BMPR2: variants seen among roughly 807,000 people sequenced by gnomAD.
BMPR2 encodes bone morphogenetic protein receptor type-2.
A neutral mutation model predicts 100.8 loss-of-function variants in BMPR2; 29 were observed. The ratio of observed to expected loss-of-function variants is 0.29; its 90% CI spans 0.21 to 0.39. The LOEUF is 0.39. BMPR2 is among the 10% of genes least tolerant of loss of function. The pLI is 1.00. For missense variants in BMPR2, 1,011 were observed against 1,274.5 expected (o/e 0.79, Z 3.15); for synonymous variants, 382 against 442.3 (o/e 0.86, Z 1.71).
chr2:202,421,020 C>T lies in BMPR2; in HGVS notation c.76+43470C>T, dbSNP rs373721799. Among the ~76,000 whole-genome samples, 85 of 150,736 alleles carry T rather than the reference C, an allele frequency of 5.6e-4. No homozygotes were observed. The East Asian group carries it at 8.7e-3, about 15-fold the overall frequency. On this transcript the variant is annotated intron_variant, in intron 1 of 12. Transcript: ENST00000374580. ...ATCCCAGCACTTTGGGAGGCCGAGGCGGGTGGATCACTTGAGGTCAGGAGT... is the reference window on the plus strand; with the variant it reads ...ATCCCAGCACTTTGGGAGGCCGAGGTGGGTGGATCACTTGAGGTCAGGAGT...
Position 202,498,699 on chromosome 2 carries a change from A to G in BMPR2, c.419-15020A>G, listed in dbSNP as rs1693096790. Among the ~76,000 whole-genome samples the G allele has an allele frequency of 2.0e-5, 3 of 152,092 alleles. No individual in the cohort carries two copies. The South Asian group carries it at 6.2e-4, about 32-fold the overall frequency. ...ATCCTAAGCCATTGGGACCAATTTG[A>G]CCCACAAACCCTGAAAAAGAGGCGG... On this transcript the variant is annotated intron_variant, in intron 3 of 12. Transcript: ENST00000374580.
At chr2:202,453,095 A>C (rs1356916661) in intron 1 of BMPR2, among the ~76,000 whole-genome samples, 1 of 152,176 alleles carries the variant, frequency 6.6e-6, no homozygotes, top group Non-Finnish European at 1.5e-5. Flanking sequence ...CAACATCTTA[A>C]GGATTTTGGA....
At chr2:202,518,752 C>G in intron 5 of BMPR2, 70 bp from the exon 6 acceptor site, 1 of 1,226,038 alleles carries the variant, frequency 8.2e-7, no homozygotes, top group Non-Finnish European at 1.2e-6. Flanking sequence ...TAAATTTGTA[C>G]TTTATTATTT....
At chr2:202,401,706 T>A (rs1003534359) in intron 1 of BMPR2, among the ~76,000 whole-genome samples, 2 of 152,216 alleles carry the variant, frequency 1.3e-5, no homozygotes, top group African/African-American at 4.8e-5. Context: ...ATATTAATCT[T>A]TAACAAATAT....
intron 9 of BMPR2, among the ~76,000 whole-genome samples, chr2:202,533,487 G>A (rs1256060913): frequency 3.3e-5 from 5 of 151,280 alleles, no homozygotes; most frequent in Non-Finnish European, 5.9e-5. Context: ...AGATCTTGCC[G>A]TTGCACCCCA....
chr2:202,423,190 A>T (rs1167639778), intron 1 of BMPR2, among the ~76,000 whole-genome samples: 1 of 152,140 alleles, frequency 6.6e-6, no homozygotes, highest in Non-Finnish European at 1.5e-5. Context: ...TGCCCAGCTG[A>T]CAGGTGAAAT....
At chr2:202,550,933 G>A (rs903859252) in intron 10 of BMPR2, among the ~76,000 whole-genome samples, 1 of 132,698 alleles carries the variant, frequency 7.5e-6, no homozygotes, top group Non-Finnish European at 1.6e-5. Context: ...AACATTTCTT[G>A]TAGAGCATAT....
At chr2:202,448,426 G>A (rs950642745) in intron 1 of BMPR2, among the ~76,000 whole-genome samples, 2 of 145,922 alleles carry the variant, frequency 1.4e-5, no homozygotes, top group Non-Finnish European at 3.0e-5. Flanking sequence ...CAGCCTGGGC[G>A]ACAGAAGGAG....
At position 202,385,254 on chromosome 2, in the gene BMPR2, CT is replaced by C. The variant is rs554276953; in HGVS notation, c.76+7714del. 3.8e-3 allele frequency among the ~76,000 whole-genome samples: 520 copies of C among 136,310 alleles called. 1 individual carries two copies. Among genetic ancestry groups the C allele is most frequent in the Non-Finnish European group, 5.0e-3 (317 of 63,718 alleles). The allele number at this position is 136,310 out of a possible 152,430, so 89.4% of individuals were successfully genotyped here. A position where few individuals can be genotyped will look rare whatever the true frequency, so the allele number is the denominator to read the frequency against. On this transcript the variant is annotated intron_variant, in intron 1 of 12. Coordinates refer to ENST00000374580, the MANE Select transcript of BMPR2 (RefSeq NM_001204.7). ...CACCAGGCTAACCTTTTAGGGCAAG[CT>C]TTTTTTTTTGTTTTCATTTGAAAAA... is the stretch of plus-strand genomic sequence containing the variant.
chr2:202,427,358 CAAA>C (rs397872093), intron 1 of BMPR2, among the ~76,000 whole-genome samples: 15 of 78,840 alleles, frequency 1.9e-4, no homozygotes, highest in Non-Finnish European at 1.9e-4. Context: ...GACCCTGGCT[CAAA>C]AAAAAAAAAA....
intron 1 of BMPR2, among the ~76,000 whole-genome samples, chr2:202,419,880 G>A (rs1451494711): frequency 6.6e-6 from 1 of 152,132 alleles, no homozygotes; most frequent in Non-Finnish European, 1.5e-5. Context: ...CAGACACAGC[G>A]ATTCATGCCT....
chr2:202,537,928 G>A (rs1688193604), intron 9 of BMPR2, among the ~76,000 whole-genome samples: 1 of 152,078 alleles, frequency 6.6e-6, no homozygotes, highest in Non-Finnish European at 1.5e-5. Flanking sequence ...TTCGAGACCA[G>A]CCTGGCCAGC....
chr2:202,538,002 A>T (rs752437114), intron 9 of BMPR2, among the ~76,000 whole-genome samples: 5 of 152,086 alleles, frequency 3.3e-5, no homozygotes, highest in African/African-American at 4.8e-5. Context: ...CACGCCTGTA[A>T]TCCCAGCTAC....
rs1288836115 is a variant in BMPR2, at chr2:202,563,080, TC to T, written c.*3135del. The stretch of plus-strand genomic sequence containing the variant: ...ATGTCTGCCTCTCTCCACATCTCTT[TC>T]ATCCATACCACACTGCCTACATGCC... On this transcript the variant is annotated 3_prime_UTR_variant, in exon 13 of 13. Coordinates refer to ENST00000374580, the MANE Select transcript of BMPR2 (RefSeq NM_001204.7). 6.6e-6 allele frequency: 1 copy of T among 152,152 alleles called. No individual in the cohort carries two copies. The allele number at this position is 152,152 out of a possible 1,614,324, so 9.4% of individuals were successfully genotyped here.
rs1690171177 is a variant in BMPR2 at position 202,377,332 on chromosome 2, T to C, written c.-143T>C. 2.5e-6 allele frequency: 2 copies of C among 807,192 alleles called. No homozygotes were observed. The highest frequency in any genetic ancestry group is 2.8e-5 in the South Asian group (2 of 72,644). 50.0% of individuals were successfully genotyped at this position (807,192 alleles called of 1,614,324 possible). On this transcript the variant is annotated 5_prime_UTR_variant, in exon 1 of 13. Transcript: ENST00000374580. ...AAAGCTCTGCAGCTAGGTCCTCTCA[T>C]CAGCCATTTGTCCTTTCAAACTGTA...
At chr2:202,542,525 G>A in intron 10 of BMPR2, 78 bp downstream of exon 10, 2 of 1,490,980 alleles carry the variant, frequency 1.3e-6, no homozygotes, top group Non-Finnish European at 1.8e-6. Context: ...AAAATAGACT[G>A]TTAATAACGT....
Position 202,532,596 on chromosome 2 carries a change from C to G in BMPR2, c.1140C>G (p.Ile380Met). The change falls in exon 9 of 13, where the codon ATC becomes ATG. Residue 380 changes from isoleucine to methionine, a missense_variant. Ile to Met is a conservative substitution (Grantham distance 10). Coordinates refer to ENST00000374580, the MANE Select transcript of BMPR2 (RefSeq NM_001204.7). The surrounding 1 kb of genome is among the most constrained non-coding windows in gnomAD (Gnocchi z 4.1). The part of the protein sequence containing the change: ...DNAAISEVGT[I>M]RYMAPEVLEG... ...CTCTAATTTATCAGGTTGGCACTATCAGATATATGGCACCAGAAGTGCTAG... is the reference window on the plus strand; with the variant it reads ...CTCTAATTTATCAGGTTGGCACTATGAGATATATGGCACCAGAAGTGCTAG... The G allele has an allele frequency of 3.7e-6, 6 of 1,613,964 alleles. No individual in the cohort carries two copies. The highest frequency in any genetic ancestry group is 5.1e-6 in the Non-Finnish European group (6 of 1,179,938).
intron 3 of BMPR2, among the ~76,000 whole-genome samples, chr2:202,499,242 T>C (rs568917658): frequency 8.1e-4 from 123 of 152,336 alleles, no homozygotes; most frequent in South Asian, 1.2e-3. Context: ...GGGCAAACCT[T>C]TGACCTCCCT....
In BMPR2 at chr2:202,559,867, C is replaced by G. The variant is rs1222615864; in HGVS notation, c.3038C>G (p.Ser1013Cys). ...AGTAACAGGGCAGTTCATTCCAAAT[C>G]CAGCACTGCTGTTTACCTTGCAGAA... is the stretch of plus-strand genomic sequence containing the variant. ...NGSNRAVHSK[S>C]STAVYLAEGG... Residue 1013 changes from serine (S) to cysteine (C), a missense_variant, in exon 13 of 13, where the codon TCC becomes TGC. This residue lies in a region of BMPR2 where 58 missense variants were observed against 72.3 expected (regional missense o/e 0.80). Transcript: ENST00000374580. 1.9e-6 allele frequency: 3 copies of G among 1,614,134 alleles called. No individual in the cohort carries two copies. The Middle Eastern group carries it at 4.9e-4, about 266-fold the overall frequency.
Sources: allele counts gnomAD v4.1 joint callset (sites outside exome capture counted in the v4.1 genomes callset), GRCh38; gene constraint gnomAD v4.1.1; regional missense constraint gnomAD v4.1.1; non-coding constraint Gnocchi (gnomAD v3.1); transcripts MANE v1.5; gene names NCBI Gene and HGNC (gene_info 2026-07-23, HGNC 2026-07-21).